UBAC2: variants seen among roughly 807,000 people sequenced by gnomAD.
UBAC2 encodes the protein ubiquitin-associated domain-containing protein 2.
In UBAC2, 26 loss-of-function variants were observed where a neutral mutation model predicts 44.0. The observed-to-expected ratio is 0.59, with a 90% CI of 0.43 to 0.82. The LOEUF (loss-of-function observed/expected upper bound fraction) is 0.82. Among genes scored for constraint, UBAC2 ranks in the 40% least tolerant of loss-of-function variants. UBAC2 has a pLI of 0.00. For missense variants in UBAC2, 329 were observed against 419.4 expected, an observed-to-expected ratio of 0.78 and a Z score of 1.88; for synonymous variants, 155 against 154.3, an observed-to-expected ratio of 1.00 and a Z score of -0.04.
At chr13:99,212,745 T>C (rs2042949096) in intron 1 of UBAC2, among the ~76,000 whole-genome samples, 1 of 152,222 alleles carries the variant, frequency 6.6e-6, no homozygotes, top group Non-Finnish European at 1.5e-5. Context: ...TAAATTTTTT[T>C]CTCCTTTATG....
At chr13:99,300,136 C>T (rs1480199997) in intron 4 of UBAC2, among the ~76,000 whole-genome samples, 1 of 152,202 alleles carries the variant, frequency 6.6e-6, no homozygotes, top group East Asian at 1.9e-4. Context: ...AGGGGGTGCC[C>T]ACTTCCAGGA....
chr13:99,227,539 C>T (rs1254466274), intron 1 of UBAC2, among the ~76,000 whole-genome samples: 1 of 152,234 alleles, frequency 6.6e-6, no homozygotes, highest in East Asian at 1.9e-4. Flanking sequence ...GGGTGGGGAG[C>T]AGTCCTACCA....
intron 4 of UBAC2, chr13:99,258,381 C>G (rs2043605543): frequency 6.6e-6 from 1 of 152,222 alleles, no homozygotes. Context: ...GCTGCTTTGT[C>G]TCTTTCAGGA....
intron 4 of UBAC2, among the ~76,000 whole-genome samples, chr13:99,302,990 C>T (rs912825140): frequency 1.5e-5 from 2 of 130,714 alleles, no homozygotes; most frequent in East Asian, 2.3e-4. Context: ...GACTGTGGTC[C>T]GTCTGTTTGG....
chr13:99,381,840 A>G (rs2045555635), intron 8 of UBAC2, among the ~76,000 whole-genome samples: 1 of 152,222 alleles, frequency 6.6e-6, no homozygotes, highest in South Asian at 2.1e-4. Context: ...CTGAGAACCA[A>G]GTGGCAGAAT....
intron 4 of UBAC2, among the ~76,000 whole-genome samples, chr13:99,249,687 T>C (rs771716920): frequency 2.6e-5 from 4 of 152,186 alleles, no homozygotes; most frequent in Admixed American, 1.3e-4. Context: ...TTTTCTCACT[T>C]ATATACAACA....
intron 5 of UBAC2, among the ~76,000 whole-genome samples, chr13:99,316,566 CAATACTTA>C (rs2044493942): frequency 6.6e-6 from 1 of 152,166 alleles, no homozygotes; most frequent in Admixed American, 6.5e-5. Context: ...TCAAGCCATC[CAATACTTA>C]AATCAGTATC....
chr13:99,313,518 G>A (rs1260723592), intron 4 of UBAC2: 1 of 152,242 alleles, frequency 6.6e-6, no homozygotes, highest in African/African-American at 2.4e-5. Flanking sequence ...GCTATAGAAA[G>A]GGTTGAGATT....
chr13:99,351,543 C>CT, intron 7 of UBAC2: 1 of 456,738 alleles, frequency 2.2e-6, no homozygotes, highest in Non-Finnish European at 4.4e-6. Context: ...TCAAAGTAAC[C>CT]TTTTACCTGG....
chr13:99,201,209 G>T, intron 1 of UBAC2: 1 of 1,426,056 alleles, frequency 7.0e-7, no homozygotes, highest in Non-Finnish European at 9.2e-7. Flanking sequence ...AGTCTCTTGG[G>T]GCCGCTGCAA....
rs76190203 is a variant in UBAC2 at position 99,380,489 on chromosome 13, A to G, written c.928-4739A>G. Among the ~76,000 whole-genome samples, 610 of 152,236 alleles carry G rather than the reference A, an allele frequency of 4.0e-3. 4 individuals are homozygous for G. The highest frequency in any genetic ancestry group is 0.014 in the African/African-American group (588 of 41,558). On this transcript the variant is annotated intron_variant, in intron 8 of 8. Coordinates refer to ENST00000403766, the MANE Select transcript of UBAC2 (RefSeq NM_001144072.2). Reference sequence around the variant, plus strand: ...GCTGCTAGTTTTTGCTCCAGTTCTTACTGTCTATATGGTGAACCTCTGAAA... The same window carrying G: ...GCTGCTAGTTTTTGCTCCAGTTCTTGCTGTCTATATGGTGAACCTCTGAAA...
In UBAC2 at chr13:99,295,876, G is replaced by A. The variant is rs1008501925; in HGVS notation, c.390-18221G>A. The A allele has an allele frequency of 2.5e-6, 4 of 1,610,018 alleles. No individual in the cohort carries two copies. Among genetic ancestry groups the A allele is most frequent in the African/African-American group, 2.7e-5 (2 of 74,830 alleles). ...TTCTCCAGTCAAAGCCCATTGCATA[G>A]TAGGCTATTCGTGTAGGCAAAGCGG... On this transcript the variant is annotated intron_variant, in intron 4 of 8. Transcript: ENST00000403766. The surrounding 1 kb of genome is among the most constrained non-coding windows in gnomAD (Gnocchi z 4.1).
chr13:99,336,934 TC>T (rs1201487895), intron 6 of UBAC2, among the ~76,000 whole-genome samples: 3 of 151,826 alleles, frequency 2.0e-5, no homozygotes, highest in African/African-American at 4.8e-5. Flanking sequence ...TCTTCCTCCT[TC>T]CCACCTCCCT....
At chr13:99,227,395 A>G (rs186734247) in intron 1 of UBAC2, among the ~76,000 whole-genome samples, 2 of 152,248 alleles carry the variant, frequency 1.3e-5, no homozygotes, top group East Asian at 3.9e-4. Context: ...AGTAACCACC[A>G]TCTTGCACGT....
At chr13:99,332,003 T>C (rs2044721472) in intron 6 of UBAC2, among the ~76,000 whole-genome samples, 3 of 152,262 alleles carry the variant, frequency 2.0e-5, no homozygotes, top group African/African-American at 7.2e-5. Context: ...TGGGGCTCAG[T>C]TGCAAGGGGA....
intron 4 of UBAC2, among the ~76,000 whole-genome samples, chr13:99,244,984 C>T (rs138459102): frequency 6.6e-6 from 1 of 152,186 alleles, no homozygotes; most frequent in East Asian, 1.9e-4. Flanking sequence ...AGGCACGTGC[C>T]ACCATGCCTG....
intron 4 of UBAC2, among the ~76,000 whole-genome samples, chr13:99,287,628 CTTTTTTTTTTCTTTCTTTTTTTT>C: frequency 7.9e-6 from 1 of 127,052 alleles, no homozygotes; most frequent in East Asian, 2.3e-4. Flanking sequence ...TTTCTTTCTT[CTTTTTTTTTTCTTTCTTTTTTTT>C]TTTTTTTTTT....
At chr13:99,296,325 T>A in intron 4 of UBAC2, among the ~76,000 whole-genome samples, 1 of 152,350 alleles carries the variant, frequency 6.6e-6, no homozygotes, top group Middle Eastern at 3.4e-3. Context: ...TAACAGTTTA[T>A]AATTATAATA....
intron 6 of UBAC2, among the ~76,000 whole-genome samples, chr13:99,318,599 T>C (rs2044525393): frequency 6.7e-6 from 1 of 150,368 alleles, no homozygotes. Flanking sequence ...GGCGGGCAGA[T>C]CATGAGGTCA....
Sources: allele counts gnomAD v4.1 joint callset (sites outside exome capture counted in the v4.1 genomes callset), GRCh38; gene constraint gnomAD v4.1.1; non-coding constraint Gnocchi (gnomAD v3.1); transcripts MANE v1.5; gene names NCBI Gene and HGNC (gene_info 2026-07-23, HGNC 2026-07-21).